The following CREB1 variants were observed in gnomAD, a reference collection of about 807,000 sequenced individuals.
CREB1 encodes the protein cAMP responsive element binding protein 1.
In CREB1, 2 loss-of-function variants were observed where a neutral mutation model predicts 42.0. That is an observed-to-expected ratio of 0.05 (90% CI 0.02 to 0.15). The LOEUF is 0.15. Ranked by LOEUF, CREB1 falls within the 10% of genes least tolerant of loss-of-function variation. The probability of loss-of-function intolerance (pLI) is 1.00; values close to 1 mark genes in which losing one functional copy is unlikely to be tolerated. For missense variants in CREB1, 199 were observed against 388.9 expected (o/e 0.51, Z 4.11); for synonymous variants, 123 against 139.9 (o/e 0.88, Z 0.85).
At chr2:207,546,242 C>A (rs1246149945) in intron 1 of CREB1, among the ~76,000 whole-genome samples, 5 of 152,186 alleles carry the variant, frequency 3.3e-5, no homozygotes, top group Admixed American at 3.3e-4. Context: ...TACATCTACA[C>A]AGAAGGATGG....
chr2:207,537,051 GC>G (rs2080902409), intron 1 of CREB1, among the ~76,000 whole-genome samples: 1 of 38,368 alleles, frequency 2.6e-5, no homozygotes, highest in Non-Finnish European at 1.1e-4. Context: ...TTTACAAAGT[GC>G]TTTGTTGTTG....
intron 2 of CREB1, among the ~76,000 whole-genome samples, chr2:207,558,705 C>T (rs2709378): frequency 0.16 from 23,365 of 148,156 alleles, 1,992 homozygotes; most frequent in Middle Eastern, 0.21. Flanking sequence ...AGTGCAATGG[C>T]GCGATCTCGG....
chr2:207,557,582 T>G (rs987599545), intron 2 of CREB1, among the ~76,000 whole-genome samples: 1 of 151,900 alleles, frequency 6.6e-6, no homozygotes, highest in Admixed American at 6.6e-5. Flanking sequence ...CTCGGGAGGC[T>G]GAGGCAGGAG....
At chr2:207,530,757 G>A (rs2080579045) in intron 1 of CREB1, among the ~76,000 whole-genome samples, 1 of 151,848 alleles carries the variant, frequency 6.6e-6, no homozygotes, top group African/African-American at 2.4e-5. Context: ...GCTTCGCAAG[G>A]GGAAGAGCTG....
rs921743643 is a variant in CREB1, at chr2:207,585,077, G to A, written c.839+7422G>A. 2.6e-5 allele frequency among the ~76,000 whole-genome samples: 4 copies of A among 152,114 alleles called. No homozygotes were observed. In the East Asian group the frequency reaches 7.7e-4, roughly 29 times the overall value. On this transcript the variant is annotated intron_variant, in intron 7 of 7. Coordinates refer to ENST00000353267, the MANE Select transcript of CREB1 (RefSeq NM_004379.5). ...CATCATCTAGGGTGCCTGAGGATTG[G>A]TTGGTCCTGCCCACCAGCACCCACT...
intron 3 of CREB1, among the ~76,000 whole-genome samples, chr2:207,566,783 C>T (rs949945530): frequency 6.6e-6 from 1 of 152,104 alleles, no homozygotes; most frequent in Non-Finnish European, 1.5e-5. Context: ...AATGCATTAG[C>T]ATAACACCTG....
intron 2 of CREB1, among the ~76,000 whole-genome samples, chr2:207,557,458 G>A (rs1421872735): frequency 5.3e-5 from 8 of 152,154 alleles, no homozygotes; most frequent in South Asian, 2.1e-4. Flanking sequence ...CGAGGCAGGC[G>A]GATCACGAGG....
chr2:207,576,660 G>T (rs2082611106), intron 6 of CREB1: 2 of 1,291,612 alleles, frequency 1.5e-6, no homozygotes, highest in Non-Finnish European at 2.0e-6. Flanking sequence ...CAGGATGTCA[G>T]TGAATTTGAA....
intron 7 of CREB1, 80 bp from the exon 8 acceptor site, chr2:207,596,834 A>G (rs1045067252): frequency 1.4e-5 from 21 of 1,532,798 alleles, no homozygotes; most frequent in Non-Finnish European, 1.6e-5. Context: ...TATTTCTTTA[A>G]AAAAGAAAAA....
At chr2:207,572,225 CAAA>C (rs35000643) in intron 5 of CREB1, among the ~76,000 whole-genome samples, 6 of 98,884 alleles carry the variant, frequency 6.1e-5, no homozygotes, top group African/African-American at 9.1e-5. Flanking sequence ...GATTCCGTCT[CAAA>C]AAAAAAAAAA....
At position 207,567,520 on chromosome 2, in the gene CREB1, T is replaced by A; in HGVS notation, c.319T>A (p.Ser107Thr). Residue 107 changes from serine to threonine, a missense_variant, in exon 4 of 8, where the codon TCC (serine) becomes ACC (threonine). Coordinates refer to ENST00000353267, the MANE Select transcript of CREB1 (RefSeq NM_004379.5). ...SQESVDSVTD[S>T]QKRREILSRR... ...GGAGTCAGTGGATAGTGTAACTGAT[T>A]CCCAAAAGCGAAGGGAAATTCTTTC... The A allele has an allele frequency of 1.9e-6, 3 of 1,612,698 alleles. No homozygotes were observed. Among genetic ancestry groups the A allele is most frequent in the Non-Finnish European group, 2.5e-6 (3 of 1,179,016 alleles).
At chr2:207,577,831 G>A in intron 7 of CREB1, 176 bp downstream of exon 7, 1 of 688,424 alleles carries the variant, frequency 1.5e-6, no homozygotes, top group Non-Finnish European at 2.4e-6. Context: ...TTATAAGATA[G>A]CTGTATGATT....
At chr2:207,541,947 T>G (rs1044051908) in intron 1 of CREB1, among the ~76,000 whole-genome samples, 6 of 152,234 alleles carry the variant, frequency 3.9e-5, no homozygotes, top group African/African-American at 1.2e-4. Flanking sequence ...TGGAATCATA[T>G]AGCATAATGT....
At chr2:207,538,353 G>C (rs1193301965) in intron 1 of CREB1, among the ~76,000 whole-genome samples, 1 of 152,068 alleles carries the variant, frequency 6.6e-6, no homozygotes, top group Admixed American at 6.6e-5. Flanking sequence ...AAATCACTGT[G>C]TATTAAAAAA....
intron 1 of CREB1, among the ~76,000 whole-genome samples, chr2:207,543,702 AAG>A: frequency 1.3e-5 from 2 of 152,158 alleles, no homozygotes; most frequent in Admixed American, 6.5e-5. Flanking sequence ...TCCTGGGTTC[AAG>A]TGATTCTCCT....
At chr2:207,532,300 C>CT (rs2080670709) in intron 1 of CREB1, among the ~76,000 whole-genome samples, 1 of 146,324 alleles carries the variant, frequency 6.8e-6, no homozygotes, top group Non-Finnish European at 1.5e-5. Context: ...TCAGCCTGGG[C>CT]GACACAGCAA....
At chr2:207,560,861 T>C (rs2081932315) in intron 3 of CREB1, among the ~76,000 whole-genome samples, 1 of 152,158 alleles carries the variant, frequency 6.6e-6, no homozygotes, top group South Asian at 2.1e-4. Flanking sequence ...TTTGAAATAA[T>C]ATATTCAGAG....
chr2:207,534,397 C>T (rs548716232), intron 1 of CREB1, among the ~76,000 whole-genome samples: 2 of 152,098 alleles, frequency 1.3e-5, no homozygotes, highest in Admixed American at 6.5e-5. Context: ...CCACCACGCC[C>T]GGCTAATTTT....
In CREB1 at chr2:207,560,239, C is replaced by G. The variant is rs572124681; in HGVS notation, c.128C>G (p.Ala43Gly). ...TCAACACCATAGGTATCTATGCCAGCAGCTCATGCAACATCATCTGCTCCC... is the reference window on the plus strand; with the variant it reads ...TCAACACCATAGGTATCTATGCCAGGAGCTCATGCAACATCATCTGCTCCC... ...IATLAQVSMPAAHATSSAPTV... is the reference protein window; with the variant it reads ...IATLAQVSMPGAHATSSAPTV... The change falls in exon 3 of 8, where the codon GCA becomes GGA. Residue 43 changes from alanine (A) to glycine (G), a missense_variant. Around this residue, in one of 4 missense-constraint regions of CREB1, gnomAD observed 53 missense variants for 57.1 expected, o/e 0.93. Transcript: ENST00000353267. 9.9e-6 allele frequency: 16 copies of G among 1,608,606 alleles called. No individual in the cohort carries two copies. Among genetic ancestry groups the G allele is most frequent in the Non-Finnish European group, 1.4e-5 (16 of 1,175,970 alleles).
Sources: allele counts gnomAD v4.1 joint callset (sites outside exome capture counted in the v4.1 genomes callset), GRCh38; gene constraint gnomAD v4.1.1; regional missense constraint gnomAD v4.1.1; transcripts MANE v1.5; gene names NCBI Gene and HGNC (gene_info 2026-07-23, HGNC 2026-07-21).